The following RFX3 variants were observed in gnomAD, a reference collection of about 807,000 sequenced individuals.
RFX3 encodes the protein regulatory factor X3.
A neutral mutation model predicts 98.6 loss-of-function variants in RFX3; 14 were observed. The ratio of observed to expected loss-of-function variants is 0.14; its 90% CI spans 0.09 to 0.22. The LOEUF (loss-of-function observed/expected upper bound fraction) is 0.22. RFX3 is among the 10% of genes least tolerant of loss of function. The pLI, the probability that RFX3 is intolerant of heterozygous loss-of-function variation, is 1.00. For synonymous variants in RFX3, 383 were observed against 328.4 expected (o/e 1.17, Z -1.80); for missense variants, 639 against 926.9 (o/e 0.69, Z 4.03).
At chr9:3,460,890 T>C (rs534058125) in intron 1 of RFX3, among the ~76,000 whole-genome samples, 3 of 152,044 alleles carry the variant, frequency 2.0e-5, no homozygotes, top group South Asian at 2.1e-4. Flanking sequence ...TTATTACATA[T>C]GTAACAGAGA....
intron 4 of RFX3, among the ~76,000 whole-genome samples, chr9:3,318,705 G>A (rs770068711): frequency 6.6e-5 from 10 of 151,868 alleles, no homozygotes; most frequent in South Asian, 2.1e-4. Flanking sequence ...ATTTTATGAC[G>A]TCTAGAGAAA....
intron 1 of RFX3, among the ~76,000 whole-genome samples, chr9:3,405,911 G>C (rs1048205194): frequency 2.0e-5 from 3 of 152,022 alleles, no homozygotes; most frequent in Non-Finnish European, 4.4e-5. Flanking sequence ...CAGCCTTATG[G>C]AACTACCCAC....
chr9:3,451,091 A>G (rs1846579827), intron 1 of RFX3, among the ~76,000 whole-genome samples: 1 of 152,244 alleles, frequency 6.6e-6, no homozygotes, highest in Non-Finnish European at 1.5e-5. Flanking sequence ...CGCTCAAAAT[A>G]GAAAACAAAA....
intron 1 of RFX3, among the ~76,000 whole-genome samples, chr9:3,497,647 C>G (rs1851208126): frequency 6.6e-6 from 1 of 151,972 alleles, no homozygotes; most frequent in South Asian, 2.1e-4. Context: ...ACTATTATTA[C>G]AGGAATGTGA....
At chr9:3,379,281 AT>A (rs1838914341) in intron 2 of RFX3, among the ~76,000 whole-genome samples, 1 of 152,206 alleles carries the variant, frequency 6.6e-6, no homozygotes, top group African/African-American at 2.4e-5. Flanking sequence ...AGGAAAGTTA[AT>A]CTAGATAGGA....
At chr9:3,397,351 T>A (rs1841000423) in intron 1 of RFX3, among the ~76,000 whole-genome samples, 1 of 152,244 alleles carries the variant, frequency 6.6e-6, no homozygotes, top group Non-Finnish European at 1.5e-5. Context: ...AAGCACTGCA[T>A]CATAGTTTAA....
intron 4 of RFX3, among the ~76,000 whole-genome samples, chr9:3,305,057 T>A (rs544272895): frequency 2.6e-4 from 39 of 152,094 alleles, no homozygotes; most frequent in African/African-American, 8.2e-4. Context: ...TCAAAACCCA[T>A]GTATTAAAAG....
intron 4 of RFX3, among the ~76,000 whole-genome samples, chr9:3,306,922 T>C (rs1031156223): frequency 1.3e-5 from 2 of 152,042 alleles, no homozygotes; most frequent in East Asian, 1.9e-4. Context: ...TCTAATCTTG[T>C]AGTTCCCATA....
At chr9:3,356,155 T>A (rs1241436302) in intron 2 of RFX3, among the ~76,000 whole-genome samples, 3 of 125,666 alleles carry the variant, frequency 2.4e-5, no homozygotes, top group African/African-American at 6.4e-5. Flanking sequence ...CTAGAATAAG[T>A]GGAAGGAAGG....
intron 1 of RFX3, among the ~76,000 whole-genome samples, chr9:3,512,518 G>A (rs1301686163): frequency 1.3e-5 from 2 of 151,784 alleles, no homozygotes; most frequent in African/African-American, 4.8e-5. Context: ...CTAATTTTGT[G>A]TTTTTTATAT....
At chr9:3,270,898 T>C (rs1386217947) in intron 10 of RFX3, 105 bp downstream of exon 10, 2 of 1,502,776 alleles carry the variant, frequency 1.3e-6, no homozygotes, top group African/African-American at 2.8e-5. Context: ...TCTATTCAAT[T>C]AATGTCATCA....
intron 15 of RFX3, 81 bp from the exon 16 acceptor site, chr9:3,228,970 C>A (rs1368187905): frequency 3.3e-6 from 4 of 1,194,872 alleles, no homozygotes; most frequent in South Asian, 1.4e-5. Flanking sequence ...GTAAAAATGC[C>A]AATCTATGAC....
At chr9:3,270,126 GGAAA>G (rs1218217666) in intron 11 of RFX3, among the ~76,000 whole-genome samples, 67 of 106,476 alleles carry the variant, frequency 6.3e-4, no homozygotes, top group Non-Finnish European at 9.0e-4. Context: ...AAGAAAGAAA[GGAAA>G]GAAAGAAAGA....
intron 1 of RFX3, among the ~76,000 whole-genome samples, chr9:3,513,223 C>A (rs540846718): frequency 6.6e-6 from 1 of 151,966 alleles, no homozygotes; most frequent in Admixed American, 6.6e-5. Context: ...TAGGTCTCTG[C>A]TAGAATGTTT....
intron 1 of RFX3, among the ~76,000 whole-genome samples, chr9:3,459,570 T>C (rs1240140241): frequency 6.6e-6 from 1 of 152,132 alleles, no homozygotes; most frequent in Non-Finnish European, 1.5e-5. Flanking sequence ...ATAAATTTTA[T>C]GAATAATAAG....
chr9:3,283,906 T>C (rs976204781), intron 7 of RFX3, among the ~76,000 whole-genome samples: 1 of 151,724 alleles, frequency 6.6e-6, no homozygotes, highest in African/African-American at 2.4e-5. Flanking sequence ...GGAATTCTCA[T>C]GAGAATAAAG....
chr9:3,372,597 G>C (rs1004289743), intron 2 of RFX3, among the ~76,000 whole-genome samples: 1 of 149,658 alleles, frequency 6.7e-6, no homozygotes, highest in African/African-American at 2.5e-5. Flanking sequence ...ACACAGGCTG[G>C]AGTGCGGTGG....
At chr9:3,404,835 A>C (rs1216917720) in intron 1 of RFX3, among the ~76,000 whole-genome samples, 1 of 152,178 alleles carries the variant, frequency 6.6e-6, no homozygotes, top group African/African-American at 2.4e-5. Context: ...CATTAAGTGT[A>C]ACATCCCAAT....
intron 4 of RFX3, among the ~76,000 whole-genome samples, chr9:3,315,617 T>A (rs1327693292): frequency 6.6e-6 from 1 of 152,068 alleles, no homozygotes; most frequent in Non-Finnish European, 1.5e-5. Context: ...ACAAAATTGA[T>A]AGACTGCTAG....
Sources: gnomAD v4.1 joint callset for allele counts (sites outside exome capture counted in the v4.1 genomes callset) on GRCh38, gnomAD v4.1.1 for gene constraint, MANE v1.5 for transcripts, NCBI Gene and HGNC (gene_info 2026-07-23, HGNC 2026-07-21) for gene names.